The following FAM53A variants were observed in gnomAD, a reference collection of about 807,000 sequenced individuals.
FAM53A encodes family with sequence similarity 53 member A, also known as protein FAM53A.
Under a neutral mutation model 26.6 loss-of-function variants are expected in FAM53A, and 28 were observed. The ratio of observed to expected loss-of-function variants is 1.05; its 90% CI spans 0.78 to 1.45. FAM53A has a LOEUF of 1.45. Ranked by LOEUF, FAM53A falls within the 40% of genes most tolerant of loss-of-function variation. The pLI, the probability that FAM53A is intolerant of heterozygous loss-of-function variation, is 0.00. For synonymous variants in FAM53A, 290 were observed against 253.1 expected (o/e 1.15, Z -1.38); for missense variants, 650 against 575.8 (o/e 1.13, Z -1.32).
chr4:1,661,429 G>A (rs889121068), intron 2 of FAM53A, among the ~76,000 whole-genome samples: 2 of 152,172 alleles, frequency 1.3e-5, no homozygotes, highest in Admixed American at 6.5e-5. Flanking sequence ...CCTGCAGGAA[G>A]TGAGCACCAT....
chr4:1,641,464 G>A lies in FAM53A; in HGVS notation c.1026C>T (p.Gly342=). 2 of 1,614,162 alleles carry A rather than the reference G, an allele frequency of 1.2e-6. No homozygotes were observed. The highest frequency in any genetic ancestry group is 1.7e-6 in the Non-Finnish European group (2 of 1,180,012). The change falls in exon 5 of 5, where the codon GGC becomes GGT. Residue 342 remains glycine (G), a synonymous_variant. Transcript: ENST00000308132. ...GITMPGCSQR[G]LRTSPVHPNL... Reference sequence around the variant, plus strand: ...TGGGGTGGACAGGGCTGGTCCTGAGGCCCCTCTGGCTGCAGCCAGGCATGG... The same window carrying A: ...TGGGGTGGACAGGGCTGGTCCTGAGACCCCTCTGGCTGCAGCCAGGCATGG...
At chr4:1,677,465 C>T (rs952485274) in intron 1 of FAM53A, among the ~76,000 whole-genome samples, 1 of 152,218 alleles carries the variant, frequency 6.6e-6, no homozygotes, top group African/African-American at 2.4e-5. Context: ...ATGCCCATGT[C>T]GGGACCTGTC....
At chr4:1,649,112 G>T in intron 4 of FAM53A, among the ~76,000 whole-genome samples, 1 of 150,270 alleles carries the variant, frequency 6.7e-6, no homozygotes. Flanking sequence ...AAACAGAAAG[G>T]GAAAGGGAAG....
At chr4:1,677,462 T>C (rs1025322386) in intron 1 of FAM53A, among the ~76,000 whole-genome samples, 14 of 152,232 alleles carry the variant, frequency 9.2e-5, no homozygotes, top group African/African-American at 3.4e-4. Flanking sequence ...CAAATGCCCA[T>C]GTCGGGACCT....
At chr4:1,639,531 A>C (rs1482215969), downstream of FAM53A, among the ~76,000 whole-genome samples, 1 of 152,050 alleles carries the variant, frequency 6.6e-6, no homozygotes. Flanking sequence ...CCTGCCAACG[A>C]CAGGAGGGCT....
intron 1 of FAM53A, among the ~76,000 whole-genome samples, chr4:1,679,654 C>T (rs1715275978): frequency 6.8e-6 from 1 of 147,706 alleles, no homozygotes; most frequent in South Asian, 2.1e-4. Flanking sequence ...CCACTGCACT[C>T]CAGGCTAGGC....
intron 1 of FAM53A, among the ~76,000 whole-genome samples, chr4:1,680,325 A>C (rs1220542846): frequency 1.4e-4 from 20 of 148,010 alleles, no homozygotes; most frequent in South Asian, 1.1e-3. Flanking sequence ...GTCTCAAAAA[A>C]AAAAAAAAAA....
At chr4:1,625,707 A>C (rs866322993) in intron 1 of FAM53A, among the ~76,000 whole-genome samples, 2 of 103,160 alleles carry the variant, frequency 1.9e-5, no homozygotes, top group Non-Finnish European at 3.8e-5. Context: ...CCTACGTACC[A>C]GCCCATGTGG....
Position 1,647,619 on chromosome 4 carries a change from G to A in FAM53A, c.883-6012C>T, listed in dbSNP as rs777835080. On this transcript the variant is annotated intron_variant, in intron 4 of 4. Transcript: ENST00000308132. ...CTGCACAACACACGCCAGGGACGCC[G>A]GACTAGAGCTGGGCTGCGCATACCG... 3.3e-4 allele frequency among the ~76,000 whole-genome samples: 50 copies of A among 152,220 alleles called. 1 individual carries two copies. The highest frequency in any genetic ancestry group is 6.2e-4 in the Non-Finnish European group (42 of 68,032).
intron 3 of FAM53A, 107 bp from the exon 4 acceptor site, chr4:1,655,830 A>T: frequency 7.7e-7 from 1 of 1,306,328 alleles, no homozygotes; most frequent in South Asian, 1.6e-5. Context: ...GCACAACCCC[A>T]TCGCCGCCAC....
At chr4:1,643,980 G>A (rs374235629) in intron 4 of FAM53A, among the ~76,000 whole-genome samples, 6 of 152,212 alleles carry the variant, frequency 3.9e-5, no homozygotes, top group South Asian at 2.1e-4. Context: ...TCACTTGTCC[G>A]TACAAGCCCC....
intron 4 of FAM53A, among the ~76,000 whole-genome samples, chr4:1,642,706 C>T (rs1262278628): frequency 1.3e-5 from 2 of 151,896 alleles, no homozygotes; most frequent in African/African-American, 2.4e-5. Context: ...TCAAGTCCCC[C>T]GTCTGTGGTG....
intron 2 of FAM53A, 95 bp from the exon 3 acceptor site, chr4:1,657,563 C>A: frequency 9.6e-7 from 1 of 1,043,122 alleles, no homozygotes; most frequent in South Asian, 1.4e-5. Context: ...TTCTACCTTT[C>A]CCCAGTGTTT....
chr4:1,636,041 G>A (rs1715824654), downstream of FAM53A, among the ~76,000 whole-genome samples: 1 of 151,772 alleles, frequency 6.6e-6, no homozygotes, highest in Non-Finnish European at 1.5e-5. Context: ...TAGAGATGGG[G>A]TTTCACCTTG....
At chr4:1,654,548 AAG>A (rs1021498530) in intron 4 of FAM53A, among the ~76,000 whole-genome samples, 1 of 152,232 alleles carries the variant, frequency 6.6e-6, no homozygotes, top group African/African-American at 2.4e-5. Flanking sequence ...CAGCTCCCAC[AAG>A]AGAGGACCCC....
rs74681488 is a variant in FAM53A at position 1,658,889 on chromosome 4, C to G, written c.76-1421G>C. ...ACCCTGTGACAAGGACACGGCTGTC[C>G]CGCAGGGTCCGGGCACAGCAGCCCC... On this transcript the variant is annotated intron_variant, in intron 2 of 4. Coordinates refer to ENST00000308132, the MANE Select transcript of FAM53A (RefSeq NM_001174070.3). Among the ~76,000 whole-genome samples the G allele has an allele frequency of 5.3e-5, 8 of 152,374 alleles. No individual in the cohort carries two copies. The East Asian group carries it at 1.5e-3, about 29-fold the overall frequency.
intron 4 of FAM53A, among the ~76,000 whole-genome samples, chr4:1,647,644 G>A (rs757398967): frequency 5.3e-5 from 8 of 152,356 alleles, no homozygotes; most frequent in Non-Finnish European, 1.2e-4. Flanking sequence ...TGCGCATACC[G>A]AGTCCGCCAG....
the FAM53A span, among the ~76,000 whole-genome samples, chr4:1,594,177 T>C: frequency 1.3e-5 from 2 of 152,274 alleles, no homozygotes; most frequent in East Asian, 3.9e-4. Flanking sequence ...CCTCCTTCCC[T>C]TGGGAGCCAG....
intron 1 of FAM53A, among the ~76,000 whole-genome samples, chr4:1,680,931 A>G (rs770077378): frequency 3.3e-5 from 5 of 152,238 alleles, no homozygotes; most frequent in Non-Finnish European, 7.3e-5. Flanking sequence ...GTCTAAATCC[A>G]TAGACTACAA....
Sources: gnomAD v4.1 joint callset for allele counts (sites outside exome capture counted in the v4.1 genomes callset) on GRCh38, gnomAD v4.1.1 for gene constraint, MANE v1.5 for transcripts, NCBI Gene and HGNC (gene_info 2026-07-23, HGNC 2026-07-21) for gene names.